ROR1: variants seen among roughly 807,000 people sequenced by gnomAD.
The protein encoded by ROR1 is ROR family WNT receptor 1.
In ROR1, 19 loss-of-function variants were observed where a neutral mutation model predicts 78.8. The ratio of observed to expected loss-of-function variants is 0.24; its 90% confidence interval spans 0.17 to 0.35. The LOEUF (loss-of-function observed/expected upper bound fraction) is 0.35, where lower values mean the gene tolerates loss of function less well. ROR1 is among the 10% of genes least tolerant of loss of function. The pLI is 1.00. For synonymous variants in ROR1, 386 were observed against 433.6 expected (o/e 0.89, Z 1.36); for missense variants, 917 against 1,177.8 (o/e 0.78, Z 3.24).
intron 1 of ROR1, among the ~76,000 whole-genome samples, chr1:63,997,415 C>T (rs995798300): frequency 7.9e-5 from 12 of 152,164 alleles, no homozygotes; most frequent in African/African-American, 1.7e-4. Flanking sequence ...CTTTGAAAGA[C>T]GTTCAAGAGG....
intron 1 of ROR1, among the ~76,000 whole-genome samples, chr1:63,993,736 A>G (rs1646314654): frequency 6.6e-6 from 1 of 152,122 alleles, no homozygotes; most frequent in African/African-American, 2.4e-5. Context: ...TTCATTGTGA[A>G]TTTTGGATAG....
At chr1:63,886,227 G>T (rs1371972036) in intron 1 of ROR1, among the ~76,000 whole-genome samples, 1 of 152,116 alleles carries the variant, frequency 6.6e-6, no homozygotes, top group African/African-American at 2.4e-5. Flanking sequence ...TGAAGCTTTG[G>T]TCACTCTCCC....
chr1:64,164,564 A>G (rs953204575), intron 8 of ROR1, among the ~76,000 whole-genome samples: 1 of 152,222 alleles, frequency 6.6e-6, no homozygotes, highest in East Asian at 1.9e-4. Flanking sequence ...ACCAGAAATT[A>G]CTATTATTGT....
intron 1 of ROR1, among the ~76,000 whole-genome samples, chr1:63,963,931 C>A (rs1646053663): frequency 6.6e-6 from 1 of 152,160 alleles, no homozygotes; most frequent in African/African-American, 2.4e-5. Context: ...CCTTTTCTGA[C>A]CGTGAAGCTA....
intron 1 of ROR1, among the ~76,000 whole-genome samples, chr1:63,828,616 A>G (rs1025161218): frequency 2.9e-4 from 44 of 152,282 alleles, no homozygotes; most frequent in African/African-American, 9.9e-4. Flanking sequence ...TGACCTTTAC[A>G]TGCATGGTTT....
chr1:63,843,472 T>C (rs1001585983), intron 1 of ROR1: 1 of 766,960 alleles, frequency 1.3e-6, no homozygotes, highest in African/African-American at 1.7e-5. Flanking sequence ...GGCAGCATCC[T>C]GACAAAGGTG....
chr1:63,987,111 T>G (rs576817624), intron 1 of ROR1, among the ~76,000 whole-genome samples: 19 of 152,282 alleles, frequency 1.2e-4, no homozygotes, highest in African/African-American at 4.6e-4. Flanking sequence ...CTCTTTTCCC[T>G]TGAATGCTGT....
chr1:63,922,350 C>T (rs2100431095), intron 1 of ROR1, among the ~76,000 whole-genome samples: 1 of 152,302 alleles, frequency 6.6e-6, no homozygotes, highest in Middle Eastern at 3.4e-3. Context: ...TTTTGTTTCT[C>T]TTTGTAAAAG....
intron 5 of ROR1, among the ~76,000 whole-genome samples, chr1:64,138,152 C>T (rs1162579183): frequency 2.0e-5 from 3 of 152,182 alleles, no homozygotes; most frequent in Non-Finnish European, 2.9e-5. Flanking sequence ...TTGCACGCAT[C>T]GTTCTGGTGG....
chr1:64,086,478 C>T (rs1647156455), intron 4 of ROR1, among the ~76,000 whole-genome samples: 1 of 152,246 alleles, frequency 6.6e-6, no homozygotes, highest in Non-Finnish European at 1.5e-5. Context: ...CCTGCCATCA[C>T]AAGGCCTATA....
rs12025819 is a variant in ROR1 at position 64,146,712 on chromosome 1, C to T, written c.1174+4062C>T. ...ATACCTAAAGTACTCGTTTTCATTT[C>T]GATGCCCTTCCTGCAGCATCCAGAT... On this transcript the variant is annotated intron_variant, in intron 7 of 8. Transcript: ENST00000371079. 1.4e-4 allele frequency among the ~76,000 whole-genome samples: 22 copies of T among 152,118 alleles called. 1 individual carries two copies. Among genetic ancestry groups the T allele is most frequent in the African/African-American group, 4.1e-4 (17 of 41,522 alleles).
At position 64,159,215 on chromosome 1, in the gene ROR1, A is replaced by T. The variant is rs1404520225; in HGVS notation, c.1386+23A>T. 1.9e-6 allele frequency: 3 copies of T among 1,569,840 alleles called. No homozygotes were observed. The South Asian group carries it at 3.3e-5, about 17-fold the overall frequency. On this transcript the variant is annotated intron_variant, in intron 8 of 8. Coordinates refer to ENST00000371079, the MANE Select transcript of ROR1 (RefSeq NM_005012.4). The stretch of plus-strand genomic sequence containing the variant: ...AAGGTAATGTTAGCAGTACAGAGCT[A>T]CATTTGTTCCGTGGGCTTCAAGTTA...
intron 8 of ROR1, among the ~76,000 whole-genome samples, chr1:64,163,422 A>C (rs1309256896): frequency 6.6e-6 from 1 of 151,734 alleles, no homozygotes; most frequent in Non-Finnish European, 1.5e-5. Flanking sequence ...ATCTCAAAAA[A>C]AGAAAAAAAG....
chr1:63,936,938 G>GGC (rs1645798702), intron 1 of ROR1, among the ~76,000 whole-genome samples: 1 of 152,238 alleles, frequency 6.6e-6, no homozygotes, highest in East Asian at 1.9e-4. Flanking sequence ...GACTCAATGA[G>GGC]GCAATCAGCC....
intron 1 of ROR1, among the ~76,000 whole-genome samples, chr1:63,817,818 G>T (rs1053157840): frequency 2.0e-5 from 3 of 152,180 alleles, no homozygotes; most frequent in East Asian, 3.9e-4. Context: ...GCCAGGGCTG[G>T]CTGGTTTGTG....
At chr1:64,162,320 G>C (rs1649969321) in intron 8 of ROR1, among the ~76,000 whole-genome samples, 1 of 152,204 alleles carries the variant, frequency 6.6e-6, no homozygotes, top group Non-Finnish European at 1.5e-5. Context: ...AGAAGAAGAG[G>C]CTCCTGTGGG....
chr1:63,809,960 G>T (rs553196009), intron 1 of ROR1, among the ~76,000 whole-genome samples: 1 of 152,266 alleles, frequency 6.6e-6, no homozygotes, highest in South Asian at 2.1e-4. Context: ...ATAAAACAAA[G>T]TAAACTTATC....
At chr1:64,138,339 A>C (rs1179256564) in intron 5 of ROR1, among the ~76,000 whole-genome samples, 2 of 152,228 alleles carry the variant, frequency 1.3e-5, no homozygotes, top group African/African-American at 2.4e-5. Context: ...ATAATTTTTT[A>C]GTATAAGTAT....
chr1:63,797,388 C>T (rs1378278582), intron 1 of ROR1, among the ~76,000 whole-genome samples: 1 of 152,162 alleles, frequency 6.6e-6, no homozygotes, highest in Non-Finnish European at 1.5e-5. Context: ...CTCTCTGGTG[C>T]TCTGGAGTAG....
Sources: gnomAD v4.1 joint callset for allele counts (sites outside exome capture counted in the v4.1 genomes callset) on GRCh38, gnomAD v4.1.1 for gene constraint, MANE v1.5 for transcripts, NCBI Gene and HGNC (gene_info 2026-07-23, HGNC 2026-07-21) for gene names.